Variants in CACNA1E observed in about 807,000 individuals in gnomAD.
CACNA1E encodes calcium voltage-gated channel subunit alpha1 E, also known as voltage-dependent R-type calcium channel subunit alpha-1E.
In CACNA1E, 40 loss-of-function variants were observed where a neutral mutation model predicts 259.2. That is an observed-to-expected ratio of 0.15 (90% confidence interval 0.12 to 0.20). The LOEUF is 0.20. CACNA1E is among the 10% of genes least tolerant of loss of function. CACNA1E has a pLI of 1.00. For synonymous variants in CACNA1E, 1,104 were observed against 1,138.5 expected (o/e 0.97, Z 0.61); for missense variants, 1,874 against 3,040.1 (o/e 0.62, Z 9.02).
At chr1:181,391,412 A>AG (rs1327311580) in intron 1 of CACNA1E, among the ~76,000 whole-genome samples, 2 of 152,224 alleles carry the variant, frequency 1.3e-5, no homozygotes, top group Non-Finnish European at 2.9e-5. Flanking sequence ...TAGAGATGGA[A>AG]GGCAACCCAG....
chr1:181,477,756 T>C (rs578119801), intron 2 of CACNA1E, among the ~76,000 whole-genome samples: 1 of 152,338 alleles, frequency 6.6e-6, no homozygotes, highest in Admixed American at 6.5e-5. Context: ...TGTGTTACCG[T>C]GGTCACAGCT....
chr1:181,726,024 C>A, intron 17 of CACNA1E, 41 bp from the exon 18 acceptor site: 1 of 1,454,944 alleles, frequency 6.9e-7, no homozygotes, highest in South Asian at 1.2e-5. Context: ...TACTCTCCTT[C>A]CTGGGGATCC....
At chr1:181,603,968 C>T (rs142154600) in intron 6 of CACNA1E, among the ~76,000 whole-genome samples, 17 of 152,290 alleles carry the variant, frequency 1.1e-4, no homozygotes, top group African/African-American at 3.6e-4. Flanking sequence ...TGAGGCTTGG[C>T]GACTGCCCTG....
At chr1:181,453,696 A>T (rs1295531765) in intron 2 of CACNA1E, among the ~76,000 whole-genome samples, 1 of 152,198 alleles carries the variant, frequency 6.6e-6, no homozygotes, top group Non-Finnish European at 1.5e-5. Context: ...CCCAGAAGCC[A>T]ACTGGACAGA....
At position 181,798,356 on chromosome 1, in the gene CACNA1E, G is replaced by C. The variant is rs781260711; in HGVS notation, c.6464G>C (p.Ser2155Thr). 1 of 1,611,178 alleles carries C rather than the reference G, an allele frequency of 6.2e-7. No homozygotes were observed. Among genetic ancestry groups the C allele is most frequent in the South Asian group, 1.1e-5 (1 of 91,056 alleles). The change falls in exon 48 of 48, where the codon AGT becomes ACT. Residue 2155 changes from serine to threonine, a missense_variant. By Grantham distance (58) the Ser-to-Thr change is moderately conservative. Coordinates refer to ENST00000367573, the MANE Select transcript of CACNA1E (RefSeq NM_001205293.3). The surrounding 1 kb of genome is among the most constrained non-coding windows in gnomAD (Gnocchi z 4.2). ...SVSDTSTPRR[S>T]RRQLPPVPPK... ...TCTGACACCAGCACCCCAAGAAGAA[G>C]TCGTCGGCAGCTCCCACCCGTCCCG...
At chr1:181,704,639 T>C (rs1347383573) in intron 7 of CACNA1E, among the ~76,000 whole-genome samples, 1 of 152,152 alleles carries the variant, frequency 6.6e-6, no homozygotes, top group African/African-American at 2.4e-5. Context: ...TGTGTTTCCA[T>C]GCCAATGTGT....
intron 3 of CACNA1E, 46 bp from the exon 4 acceptor site, chr1:181,577,720 G>A (rs1366700071): frequency 2.2e-6 from 3 of 1,352,380 alleles, no homozygotes; most frequent in Non-Finnish European, 2.1e-6. Flanking sequence ...AACAAGAGGG[G>A]AAAACCAGAC....
chr1:181,334,332 A>T (rs1489606542), intron 1 of CACNA1E, among the ~76,000 whole-genome samples: 1 of 152,148 alleles, frequency 6.6e-6, no homozygotes, highest in African/African-American at 2.4e-5. Flanking sequence ...CTTTATCTAT[A>T]ATCACTTATC....
chr1:181,616,833 A>G (rs1003468657), intron 6 of CACNA1E, among the ~76,000 whole-genome samples: 1 of 152,222 alleles, frequency 6.6e-6, no homozygotes, highest in African/African-American at 2.4e-5. Context: ...TATGTCTCTT[A>G]TAAGTTACAG....
In CACNA1E at chr1:181,776,319, G is replaced by T; in HGVS notation, c.5267+91G>T. On this transcript the variant is annotated intron_variant, in intron 38 of 47. Transcript: ENST00000367573. The surrounding 1 kb of genome is among the most constrained non-coding windows in gnomAD (Gnocchi z 4.4). ...AGGCTGGAATTGGAGCCACCCAAAT[G>T]CCTGCCTGTTACAGAAGGAAAGGAG... is the stretch of plus-strand genomic sequence containing the variant. 7.6e-7 allele frequency: 1 copy of T among 1,309,720 alleles called. No homozygotes were observed. The highest frequency in any genetic ancestry group is 1.1e-6 in the Non-Finnish European group (1 of 908,104). 81.1% of individuals were successfully genotyped at this position (1,309,720 alleles called of 1,614,324 possible).
At chr1:181,364,706 G>T (rs1056590957) in intron 1 of CACNA1E, among the ~76,000 whole-genome samples, 3 of 152,206 alleles carry the variant, frequency 2.0e-5, no homozygotes, top group South Asian at 2.1e-4. Context: ...ACAGAATTCC[G>T]AGTGGAGCAG....
At chr1:181,618,618 G>T (rs946576571) in intron 6 of CACNA1E, among the ~76,000 whole-genome samples, 6 of 152,186 alleles carry the variant, frequency 3.9e-5, no homozygotes, top group African/African-American at 1.4e-4. Context: ...TTCAGTAGAC[G>T]AAGTGTCCTC....
chr1:181,755,210 C>A (rs772026180), intron 27 of CACNA1E, 27 bp from the exon 28 acceptor site: 2 of 1,604,672 alleles, frequency 1.2e-6, no homozygotes, highest in Non-Finnish European at 1.7e-6. Context: ...AGGGTTCACA[C>A]AGCAGGGCTG....
At chr1:181,387,368 A>G (rs1655929901) in intron 1 of CACNA1E, among the ~76,000 whole-genome samples, 1 of 152,186 alleles carries the variant, frequency 6.6e-6, no homozygotes, top group South Asian at 2.1e-4. Context: ...TTCTAGTTTT[A>G]AAATGATTAA....
At chr1:181,755,842 C>A in intron 28 of CACNA1E, 114 bp from the exon 29 acceptor site, 1 of 1,115,078 alleles carries the variant, frequency 9.0e-7, no homozygotes. Flanking sequence ...TTGCCTTACA[C>A]ATGTATGGTG....
Position 181,766,531 on chromosome 1 carries a change from C to G in CACNA1E, c.4816-15C>G. 6.2e-7 allele frequency: 1 copy of G among 1,604,218 alleles called. No homozygotes were observed. Among genetic ancestry groups the G allele is most frequent in the Non-Finnish European group, 8.5e-7 (1 of 1,171,160 alleles). ...CTTTTCTTTGATTAACGTCTTATCT[C>G]TGCTTTCCTTCCAGGCCCTCCCTTA... On this transcript the variant is annotated splice_polypyrimidine_tract_variant and intron_variant, in intron 34 of 47. Transcript: ENST00000367573.
chr1:181,741,515 A>G (rs1656573398), intron 25 of CACNA1E, among the ~76,000 whole-genome samples: 1 of 152,152 alleles, frequency 6.6e-6, no homozygotes, highest in Non-Finnish European at 1.5e-5. Flanking sequence ...ATACAGATAG[A>G]TGTGTGCAGG....
At chr1:181,356,224 T>C (rs1351473286) in intron 1 of CACNA1E, among the ~76,000 whole-genome samples, 2 of 152,144 alleles carry the variant, frequency 1.3e-5, no homozygotes, top group Non-Finnish European at 2.9e-5. Context: ...TTAGAGGTAC[T>C]TGGAGCCGAG....
At chr1:181,788,075 T>C (rs1052789268) in intron 43 of CACNA1E, among the ~76,000 whole-genome samples, 1 of 152,182 alleles carries the variant, frequency 6.6e-6, no homozygotes, top group East Asian at 1.9e-4. Flanking sequence ...CACCATTTCG[T>C]AGGTTACTGC....
Sources: gnomAD v4.1 joint callset for allele counts (sites outside exome capture counted in the v4.1 genomes callset) on GRCh38, gnomAD v4.1.1 for gene constraint, Gnocchi (gnomAD v3.1) non-coding constraint, MANE v1.5 for transcripts, NCBI Gene and HGNC (gene_info 2026-07-23, HGNC 2026-07-21) for gene names.